Variants in MYO16 observed in about 807,000 individuals in gnomAD.
MYO16 encodes the protein unconventional myosin-XVI.
In MYO16, 94 loss-of-function variants were observed where a neutral mutation model predicts 205.3. The ratio of observed to expected loss-of-function variants is 0.46; its 90% confidence interval spans 0.39 to 0.54. MYO16 has a LOEUF of 0.54. Ranked by LOEUF, MYO16 falls within the 20% of genes least tolerant of loss-of-function variation. The pLI is 0.00. For missense variants in MYO16, 2,315 were observed against 2,387.5 expected, an observed-to-expected ratio of 0.97 and a Z score of 0.63; for synonymous variants, 988 against 954.0, an observed-to-expected ratio of 1.04 and a Z score of -0.66.
intron 4 of MYO16, among the ~76,000 whole-genome samples, chr13:108,734,954 C>T (rs1884641578): frequency 2.0e-5 from 3 of 152,160 alleles, no homozygotes. Flanking sequence ...AAGTTGGCTA[C>T]AAACTGCACA....
chr13:108,789,812 A>G (rs544912976), intron 5 of MYO16, among the ~76,000 whole-genome samples: 1 of 152,294 alleles, frequency 6.6e-6, no homozygotes, highest in African/African-American at 2.4e-5. Context: ...ATGCCTGTTT[A>G]GCTTTGTTTC....
intron 16 of MYO16, among the ~76,000 whole-genome samples, chr13:108,931,657 G>T (rs936460109): frequency 6.6e-6 from 1 of 152,112 alleles, no homozygotes; most frequent in African/African-American, 2.4e-5. Flanking sequence ...GAAACATTAT[G>T]CCCATAAGTC....
the MYO16 span, among the ~76,000 whole-genome samples, chr13:108,548,216 A>G: frequency 3.0e-4 from 43 of 145,088 alleles, no homozygotes; most frequent in Non-Finnish European, 5.3e-4. Flanking sequence ...AATGATGATG[A>G]TGGTGGTGGT....
chr13:108,862,417 G>T (rs1878490044), intron 11 of MYO16, among the ~76,000 whole-genome samples: 3 of 152,100 alleles, frequency 2.0e-5, no homozygotes, highest in Admixed American at 2.0e-4. Context: ...CAAACCCAAG[G>T]CTACCATATT....
chr13:108,949,593 A>G lies in MYO16; in HGVS notation c.1926-8095A>G, dbSNP rs111526914. On this transcript the variant is annotated intron_variant, in intron 16 of 34. Transcript: ENST00000457511. ...AAGATTCAATATAGTAAAAATGCCA[A>G]TCATCCCTAAGGTGATTTATAGGTT... is the stretch of plus-strand genomic sequence containing the variant. Among the ~76,000 whole-genome samples, 402 of 152,300 alleles carry G rather than the reference A, an allele frequency of 2.6e-3. 3 individuals carry two copies. Among genetic ancestry groups the G allele is most frequent in the African/African-American group, 9.2e-3 (381 of 41,570 alleles).
At chr13:108,735,440 C>A (rs1379605644) in intron 4 of MYO16, among the ~76,000 whole-genome samples, 1 of 56,506 alleles carries the variant, frequency 1.8e-5, no homozygotes, top group Non-Finnish European at 5.9e-5. Context: ...AGGACATGAA[C>A]TCATCCGTTT....
intron 22 of MYO16, among the ~76,000 whole-genome samples, chr13:109,013,955 A>G (rs567982119): frequency 6.6e-6 from 1 of 152,280 alleles, no homozygotes; most frequent in South Asian, 2.1e-4. Context: ...TACTGTGCAG[A>G]AACTCTTTAG....
At chr13:108,545,771 C>T in the MYO16 span, among the ~76,000 whole-genome samples, 1 of 152,192 alleles carries the variant, frequency 6.6e-6, no homozygotes, top group Non-Finnish European at 1.5e-5. Flanking sequence ...TGGAGTTTGA[C>T]TTACACCTTT....
At chr13:108,600,344 A>T (rs1382629338) in intron 1 of MYO16, among the ~76,000 whole-genome samples, 1 of 152,156 alleles carries the variant, frequency 6.6e-6, no homozygotes, top group Admixed American at 6.6e-5. Flanking sequence ...AATGTGGGTA[A>T]TTATAACATT....
the MYO16 span, among the ~76,000 whole-genome samples, chr13:108,541,520 T>G: frequency 6.6e-6 from 1 of 152,028 alleles, no homozygotes; most frequent in East Asian, 1.9e-4. Flanking sequence ...TATATTTCAC[T>G]CTTTAGTTTT....
chr13:109,013,593 G>T (rs940416206), intron 22 of MYO16, among the ~76,000 whole-genome samples: 3 of 152,148 alleles, frequency 2.0e-5, no homozygotes, highest in African/African-American at 7.2e-5. Context: ...CAGTGCAAAA[G>T]CATTCCTATT....
chr13:109,136,334 C>G (rs1291720655), intron 31 of MYO16, among the ~76,000 whole-genome samples: 1 of 152,146 alleles, frequency 6.6e-6, no homozygotes, highest in Non-Finnish European at 1.5e-5. Context: ...ACCTTGTGAT[C>G]TGCCCGCCTC....
intron 4 of MYO16, among the ~76,000 whole-genome samples, chr13:108,746,710 A>G (rs1040232303): frequency 1.3e-5 from 2 of 152,184 alleles, no homozygotes; most frequent in Non-Finnish European, 2.9e-5. Flanking sequence ...GGCGGAAGAC[A>G]TATTTGGTTT....
Position 108,645,374 on chromosome 13 carries a change from C to A in MYO16, c.28+15502C>A, listed in dbSNP as rs764245188. Among the ~76,000 whole-genome samples, 41 of 152,078 alleles carry A rather than the reference C, an allele frequency of 2.7e-4. 1 individual carries two copies. Among genetic ancestry groups the A allele is most frequent in the Admixed American group, 2.7e-3 (41 of 15,272 alleles). ...TCTTTTCTTGATTCCCCAGTGTCTA[C>A]GATAGTTTGCAGTGTCGAAAATGAC... On this transcript the variant is annotated intron_variant, in intron 1 of 34. Transcript: ENST00000457511.
intron 8 of MYO16, among the ~76,000 whole-genome samples, chr13:108,822,722 A>G (rs1876046369): frequency 6.6e-6 from 1 of 152,182 alleles, no homozygotes. Context: ...ATAGGAGGCC[A>G]GTTACATGCT....
At chr13:108,802,538 T>C (rs1264070827) in intron 6 of MYO16, among the ~76,000 whole-genome samples, 1 of 152,226 alleles carries the variant, frequency 6.6e-6, no homozygotes, top group African/African-American at 2.4e-5. Flanking sequence ...GCAGTGAGCA[T>C]GGGAGTATGA....
At chr13:108,607,297 T>G (rs1878995252) in intron 1 of MYO16, among the ~76,000 whole-genome samples, 1 of 152,120 alleles carries the variant, frequency 6.6e-6, no homozygotes, top group Non-Finnish European at 1.5e-5. Context: ...AATCATATGG[T>G]CTGGCTATGT....
At position 108,823,121 on chromosome 13, in the gene MYO16, G is replaced by A. The variant is rs748970804; in HGVS notation, c.944-4G>A. The stretch of plus-strand genomic sequence containing the variant: ...TTCTGATTTTTCTTATTTTTTTCTT[G>A]TAGATATTGCTGCCTCTGAGTTTAT... On this transcript the variant is annotated splice_polypyrimidine_tract_variant and splice_region_variant and intron_variant, in intron 8 of 34. Coordinates refer to ENST00000457511, the MANE Select transcript of MYO16 (RefSeq NM_001198950.3). The A allele has an allele frequency of 1.0e-5, 16 of 1,603,786 alleles. No homozygotes were observed. In the African/African-American group the frequency reaches 1.2e-4, roughly 12 times the overall value.
At chr13:109,037,247 T>A (rs556694232) in intron 23 of MYO16, among the ~76,000 whole-genome samples, 1 of 152,246 alleles carries the variant, frequency 6.6e-6, no homozygotes, top group Non-Finnish European at 1.5e-5. Flanking sequence ...TTCTTCTCTA[T>A]GCGAAGTTAT....
Sources: gnomAD v4.1 joint callset for allele counts (sites outside exome capture counted in the v4.1 genomes callset) on GRCh38, gnomAD v4.1.1 for gene constraint, MANE v1.5 for transcripts, NCBI Gene and HGNC (gene_info 2026-07-23, HGNC 2026-07-21) for gene names.